The following C12orf50 variants were observed in gnomAD, a reference collection of about 807,000 sequenced individuals.
C12orf50 encodes the protein zinc finger CCCH-type containing 11D.
In C12orf50, 35 loss-of-function variants were observed where a neutral mutation model predicts 61.6. The observed-to-expected ratio is 0.57, with a 90% CI of 0.43 to 0.75. The LOEUF (loss-of-function observed/expected upper bound fraction) is 0.75, where lower values mean the gene tolerates loss of function less well. Ranked by LOEUF, C12orf50 falls within the 30% of genes least tolerant of loss-of-function variation. C12orf50 has a pLI of 0.00. For missense variants in C12orf50, 475 were observed against 488.5 expected, an observed-to-expected ratio of 0.97 and a Z score of 0.26; for synonymous variants, 178 against 161.5, an observed-to-expected ratio of 1.10 and a Z score of -0.77.
At chr12:88,000,551 T>G (rs1346154037) in intron 3 of C12orf50, among the ~76,000 whole-genome samples, 3 of 151,976 alleles carry the variant, frequency 2.0e-5, no homozygotes, top group Non-Finnish European at 2.9e-5. Context: ...ATATAAATTT[T>G]AGAATCAGCT....
In C12orf50 at chr12:87,990,218, T is replaced by C. The variant is rs181209868; in HGVS notation, c.593-847A>G. ...ATTGCTTGAAGTTACCCTGTAAGAT[T>C]TGGCTCATTGTTCCAACAGATTAAC... On this transcript the variant is annotated intron_variant, in intron 7 of 12. Transcript: ENST00000298699. Among the ~76,000 whole-genome samples, 16 of 152,312 alleles carry C rather than the reference T, an allele frequency of 1.1e-4. No individual in the cohort carries two copies. In the East Asian group the frequency reaches 3.1e-3, roughly 29 times the overall value.
intron 3 of C12orf50, among the ~76,000 whole-genome samples, chr12:88,008,115 G>A (rs963347447): frequency 4.0e-5 from 6 of 151,704 alleles, no homozygotes; most frequent in African/African-American, 1.5e-4. Context: ...TTGTTATATA[G>A]GTAAACTTGT....
rs142248170 is a variant in C12orf50 at position 88,014,062 on chromosome 12, G to A, written c.133+12426C>T. ...AAGTACACATAACTCAGAAGTGCTAGAATATCTCACTCTAATACTGTAAAT... is the reference window on the plus strand; with the variant it reads ...AAGTACACATAACTCAGAAGTGCTAAAATATCTCACTCTAATACTGTAAAT... On this transcript the variant is annotated intron_variant, in intron 3 of 12. Coordinates refer to ENST00000298699, the MANE Select transcript of C12orf50 (RefSeq NM_152589.3). Among the ~76,000 whole-genome samples, 826 of 152,218 alleles carry A rather than the reference G, an allele frequency of 5.4e-3. 4 individuals are homozygous for A. The highest frequency in any genetic ancestry group is 8.8e-3 in the Non-Finnish European group (601 of 68,002).
At chr12:87,987,471 G>A (rs2030883298) in intron 9 of C12orf50, among the ~76,000 whole-genome samples, 1 of 152,122 alleles carries the variant, frequency 6.6e-6, no homozygotes, top group Admixed American at 6.6e-5. Context: ...ATCAAGAGAA[G>A]TAGCTCACTG....
intron 4 of C12orf50, among the ~76,000 whole-genome samples, chr12:87,997,714 C>T (rs1197608169): frequency 6.6e-6 from 1 of 152,140 alleles, no homozygotes; most frequent in African/African-American, 2.4e-5. Context: ...TTTCCAGCTT[C>T]ATCCATGTCC....
intron 7 of C12orf50, 103 bp downstream of exon 7, chr12:87,994,530 C>A: frequency 1.2e-6 from 1 of 859,814 alleles, no homozygotes; most frequent in South Asian, 1.8e-5. Context: ...TTGTGTTAAA[C>A]ATGACATGGA....
chr12:88,026,636 T>C, intron 2 of C12orf50, 28 bp from the exon 3 acceptor site: 1 of 1,609,186 alleles, frequency 6.2e-7, no homozygotes, highest in Non-Finnish European at 8.5e-7. Flanking sequence ...GGGGGAAATG[T>C]AATGATTAGA....
At chr12:88,023,624 C>G (rs1322696759) in intron 3 of C12orf50, among the ~76,000 whole-genome samples, 1 of 148,068 alleles carries the variant, frequency 6.8e-6, no homozygotes, top group Non-Finnish European at 1.5e-5. Context: ...GCGGAGATCA[C>G]ACCGTTGCAC....
intron 3 of C12orf50, among the ~76,000 whole-genome samples, chr12:88,022,936 A>C (rs2032569653): frequency 6.6e-6 from 1 of 152,278 alleles, no homozygotes; most frequent in Admixed American, 6.5e-5. Context: ...ATGCCCAAAG[A>C]AATTCACAGA....
rs1420651677 is a variant in C12orf50, at chr12:87,985,999, T to C, written c.977A>G (p.Asn326Ser). The stretch of plus-strand genomic sequence containing the variant: ...ATAGGATGCATTCTCCGCATTTCGA[T>C]TTTTATTATTGCGGTGATAACTCAT... ...NKMSYHRNNKNRNAENASYIH... is the reference protein window; with the variant it reads ...NKMSYHRNNKSRNAENASYIH... Residue 326 changes from asparagine (N) to serine (S), a missense_variant, in exon 11 of 13, where the codon AAT becomes AGT. Physicochemically the swap from Asn to Ser is conservative, Grantham distance 46. Transcript: ENST00000298699. 1 of 1,613,878 alleles carries C rather than the reference T, an allele frequency of 6.2e-7. No individual in the cohort carries two copies. Among genetic ancestry groups the C allele is most frequent in the Admixed American group, 1.7e-5 (1 of 59,962 alleles).
chr12:88,022,580 T>C (rs568781880), intron 3 of C12orf50, among the ~76,000 whole-genome samples: 7 of 152,308 alleles, frequency 4.6e-5, no homozygotes, highest in African/African-American at 1.7e-4. Context: ...TGTTTGCAGA[T>C]GACATAATTC....
chr12:88,018,248 C>T (rs570945064), intron 3 of C12orf50, among the ~76,000 whole-genome samples: 11 of 152,286 alleles, frequency 7.2e-5, no homozygotes, highest in Non-Finnish European at 1.2e-4. Context: ...ACTCCAATCA[C>T]GGCTGAAAGG....
intron 7 of C12orf50, among the ~76,000 whole-genome samples, chr12:87,994,254 T>G (rs1476807992): frequency 6.7e-6 from 1 of 150,096 alleles, no homozygotes; most frequent in African/African-American, 2.5e-5. Flanking sequence ...GTAGACTTAA[T>G]CAAATGATTT....
intron 9 of C12orf50, 40 bp from the exon 10 acceptor site, chr12:87,986,456 C>T (rs1337633702): frequency 2.9e-6 from 4 of 1,380,828 alleles, no homozygotes; most frequent in East Asian, 4.6e-5. Context: ...TTAAGAGATG[C>T]TTTCATCTCT....
chr12:87,993,851 C>A (rs1179742632), intron 7 of C12orf50, among the ~76,000 whole-genome samples: 1 of 152,094 alleles, frequency 6.6e-6, no homozygotes, highest in Non-Finnish European at 1.5e-5. Flanking sequence ...AGCTATAATA[C>A]ACAGTTAGAA....
chr12:87,991,505 C>T (rs1482725565), intron 7 of C12orf50, among the ~76,000 whole-genome samples: 1 of 151,990 alleles, frequency 6.6e-6, no homozygotes, highest in Non-Finnish European at 1.5e-5. Context: ...AATTAGTGAA[C>T]AGGACAGTAG....
chr12:88,006,824 T>C lies in C12orf50; in HGVS notation c.134-8634A>G, dbSNP rs531494164. Among the ~76,000 whole-genome samples, 99 of 152,338 alleles carry C rather than the reference T, an allele frequency of 6.5e-4. 1 individual carries two copies. The highest frequency in any genetic ancestry group is 6.1e-3 in the Admixed American group (93 of 15,310). On this transcript the variant is annotated intron_variant, in intron 3 of 12. Coordinates refer to ENST00000298699, the MANE Select transcript of C12orf50 (RefSeq NM_152589.3). Reference sequence around the variant, plus strand: ...TGGAAGCTGGACGTAGAAAGAGCTCTGTGTTCTTGGCTGTATCCATTCAGA... The same window carrying C: ...TGGAAGCTGGACGTAGAAAGAGCTCCGTGTTCTTGGCTGTATCCATTCAGA...
chr12:87,981,573 T>A (rs1270676173), intron 12 of C12orf50, among the ~76,000 whole-genome samples: 1 of 152,106 alleles, frequency 6.6e-6, no homozygotes, highest in African/African-American at 2.4e-5. Flanking sequence ...CTGGCTCAGT[T>A]TCTCCTTGGC....
At chr12:87,982,050 A>G (rs1011054340) in intron 12 of C12orf50, among the ~76,000 whole-genome samples, 1 of 152,134 alleles carries the variant, frequency 6.6e-6, no homozygotes, top group South Asian at 2.1e-4. Context: ...TGAGAAGGCT[A>G]CTGAAAGACA....
Sources: allele counts gnomAD v4.1 joint callset (sites outside exome capture counted in the v4.1 genomes callset), GRCh38; gene constraint gnomAD v4.1.1; transcripts MANE v1.5; gene names NCBI Gene and HGNC (gene_info 2026-07-23, HGNC 2026-07-21).